IP6K2: variants seen among roughly 807,000 people sequenced by gnomAD.
IP6K2 encodes the protein inositol hexakisphosphate kinase 2.
IP6K2 carries 9 observed loss-of-function variants against 43.3 expected under a neutral mutation model. The observed-to-expected ratio is 0.21, with a 90% CI of 0.13 to 0.36. The LOEUF (loss-of-function observed/expected upper bound fraction) is 0.36, where lower values mean the gene tolerates loss of function less well. Among genes scored for constraint, IP6K2 ranks in the 10% least tolerant of loss-of-function variants. The probability of loss-of-function intolerance (pLI) is 1.00; values close to 1 mark genes in which losing one functional copy is unlikely to be tolerated. For missense variants in IP6K2, 332 were observed against 538.4 expected (o/e 0.62, Z 3.79); for synonymous variants, 209 against 202.4 (o/e 1.03, Z -0.28).
At chr3:48,692,479 C>T (rs1270227964) in intron 3 of IP6K2, among the ~76,000 whole-genome samples, 3 of 152,200 alleles carry the variant, frequency 2.0e-5, no homozygotes, top group South Asian at 2.1e-4. Context: ...CATGGGACTA[C>T]GTCAACCTAC....
chr3:48,698,273 A>G (rs11719291), intron 1 of IP6K2, among the ~76,000 whole-genome samples: 23,005 of 152,156 alleles, frequency 0.15, 2,089 homozygotes, highest in African/African-American at 0.26. Flanking sequence ...TGGTCCGCCG[A>G]CCAGTACTAA....
At chr3:48,707,642 T>C (rs1488835280) in intron 1 of IP6K2, among the ~76,000 whole-genome samples, 2 of 152,162 alleles carry the variant, frequency 1.3e-5, no homozygotes, top group Non-Finnish European at 2.9e-5. Flanking sequence ...TTTTCCATGT[T>C]GGACAGGCTG....
In IP6K2 at chr3:48,694,788, C is replaced by T. The variant is rs766904497; in HGVS notation, c.202+302G>A. 16 of 1,535,680 alleles carry T rather than the reference C, an allele frequency of 1.0e-5. No individual in the cohort carries two copies. In the South Asian group the frequency reaches 1.6e-4, roughly 15 times the overall value. On this transcript the variant is annotated intron_variant, in intron 2 of 5. Coordinates refer to ENST00000328631, the MANE Select transcript of IP6K2 (RefSeq NM_016291.4). Reference sequence around the variant, plus strand: ...CCAAAGTCTTCCCCCACCGTCCCCCCAGTGGGGGACTATGGGTTACTGTGA... The same window carrying T: ...CCAAAGTCTTCCCCCACCGTCCCCCTAGTGGGGGACTATGGGTTACTGTGA...
In IP6K2 at chr3:48,688,179, A is replaced by T; in HGVS notation, c.*94T>A. 1 of 1,419,610 alleles carries T rather than the reference A, an allele frequency of 7.0e-7. No homozygotes were observed. Among genetic ancestry groups the T allele is most frequent in the Non-Finnish European group, 9.8e-7 (1 of 1,024,618 alleles). The allele number at this position is 1,419,610 out of a possible 1,614,324, so 87.9% of individuals were successfully genotyped here. Reference sequence around the variant, plus strand: ...CTGCACATCAGCTCCAGGCTGCAGGAGCCACCACCTGGCCATACTGGCTTC... The same window carrying T: ...CTGCACATCAGCTCCAGGCTGCAGGTGCCACCACCTGGCCATACTGGCTTC... On this transcript the variant is annotated 3_prime_UTR_variant, in exon 6 of 6. Transcript: ENST00000328631. The surrounding 1 kb of genome is among the most constrained non-coding windows in gnomAD (Gnocchi z 5.1).
intron 1 of IP6K2, among the ~76,000 whole-genome samples, chr3:48,705,574 G>A (rs2079625659): frequency 6.6e-6 from 1 of 151,552 alleles, no homozygotes; most frequent in African/African-American, 2.4e-5. Flanking sequence ...GATCACTGGA[G>A]TGCAGGAGTT....
chr3:48,704,795 T>C (rs1575701423), intron 1 of IP6K2, among the ~76,000 whole-genome samples: 2 of 151,878 alleles, frequency 1.3e-5, no homozygotes, highest in South Asian at 4.2e-4. Context: ...CTTTTTTTTT[T>C]TCTCTGAGAG....
intron 1 of IP6K2, among the ~76,000 whole-genome samples, chr3:48,713,108 T>C (rs547683162): frequency 6.6e-6 from 1 of 152,288 alleles, no homozygotes; most frequent in East Asian, 1.9e-4. Context: ...CAAAAAGCCA[T>C]ATCCAATGTT....
At chr3:48,703,548 CAAA>C (rs35725171) in intron 1 of IP6K2, among the ~76,000 whole-genome samples, 2 of 69,856 alleles carry the variant, frequency 2.9e-5, no homozygotes, top group Admixed American at 1.7e-4. Context: ...ACTAAAAATA[CAAA>C]AAAAAAAAAA....
chr3:48,700,410 G>T (rs1463268211), intron 1 of IP6K2, among the ~76,000 whole-genome samples: 3 of 151,718 alleles, frequency 2.0e-5, no homozygotes, highest in Non-Finnish European at 4.4e-5. Context: ...AAAATTAATG[G>T]TTACGATAAA....
In IP6K2 at chr3:48,688,008, T is replaced by C; in HGVS notation, c.*265A>G. The C allele has an allele frequency of 4.2e-6, 2 of 481,174 alleles. No homozygotes were observed. The highest frequency in any genetic ancestry group is 3.8e-6 in the Non-Finnish European group (1 of 266,384). The allele number at this position is 481,174 out of a possible 1,614,324, so 29.8% of individuals were successfully genotyped here. ...AGAATGACAGGAGCACTATATACAATAAACAAAAAGATTTGTATTAGAACA... is the reference window on the plus strand; with the variant it reads ...AGAATGACAGGAGCACTATATACAACAAACAAAAAGATTTGTATTAGAACA... On this transcript the variant is annotated 3_prime_UTR_variant, in exon 6 of 6. Coordinates refer to ENST00000328631, the MANE Select transcript of IP6K2 (RefSeq NM_016291.4). This position sits in a 1 kb window ranked among gnomAD's most constrained non-coding sequence, Gnocchi z 5.1.
chr3:48,712,242 A>AT lies in IP6K2; in HGVS notation c.-131+4914dup, dbSNP rs1553651735. Reference sequence around the variant, plus strand: ...GAGACCCTGTCTCTACAAAAAAAAAATTTTTTTTTTTTTTTTTTGAGACAG... The same window carrying AT: ...GAGACCCTGTCTCTACAAAAAAAAAATTTTTTTTTTTTTTTTTTTGAGACAG... On this transcript the variant is annotated intron_variant, in intron 1 of 5. Coordinates refer to ENST00000328631, the MANE Select transcript of IP6K2 (RefSeq NM_016291.4). 3.8e-3 allele frequency among the ~76,000 whole-genome samples: 530 copies of AT among 139,618 alleles called. 1 individual carries two copies. Among genetic ancestry groups the AT allele is most frequent in the Middle Eastern group, 0.015 (4 of 274 alleles). 91.6% of individuals were successfully genotyped at this position (139,618 alleles called of 152,430 possible). A position where few individuals can be genotyped will look rare whatever the true frequency, so the allele number is the denominator to read the frequency against.
At chr3:48,697,210 C>T (rs941850619) in intron 1 of IP6K2, among the ~76,000 whole-genome samples, 8 of 151,660 alleles carry the variant, frequency 5.3e-5, no homozygotes, top group East Asian at 1.9e-4. Context: ...TTAGTAGAGA[C>T]GGGGTTTCAC....
At chr3:48,698,552 C>T (rs952447302) in intron 1 of IP6K2, among the ~76,000 whole-genome samples, 3 of 152,186 alleles carry the variant, frequency 2.0e-5, no homozygotes, top group African/African-American at 7.2e-5. Flanking sequence ...TCACTGCAAC[C>T]TCTGCCGCTC....
intron 1 of IP6K2, among the ~76,000 whole-genome samples, chr3:48,705,135 C>A (rs1032273749): frequency 6.6e-6 from 1 of 151,598 alleles, no homozygotes; most frequent in African/African-American, 2.4e-5. Flanking sequence ...AGTAGAGATG[C>A]GGTTTCACCG....
At chr3:48,694,075 ATG>A (rs2078033891) in intron 2 of IP6K2, 1 of 1,464,350 alleles carries the variant, frequency 6.8e-7, no homozygotes, top group Non-Finnish European at 9.0e-7. Flanking sequence ...CTGCAGGGGA[ATG>A]CGTGCTCAGA....
intron 1 of IP6K2, among the ~76,000 whole-genome samples, chr3:48,701,840 G>A (rs1165852860): frequency 1.3e-5 from 2 of 152,164 alleles, no homozygotes; most frequent in African/African-American, 4.8e-5. Flanking sequence ...GGAGGTTGCA[G>A]TGAGCTGAGA....
intron 1 of IP6K2, chr3:48,715,648 C>T: frequency 1.7e-6 from 1 of 594,206 alleles, no homozygotes; most frequent in Non-Finnish European, 3.0e-6. Flanking sequence ...AAACAAAAAG[C>T]TAGTTTCTAC....
intron 1 of IP6K2, among the ~76,000 whole-genome samples, chr3:48,705,531 T>C (rs892038840): frequency 3.3e-5 from 5 of 151,820 alleles, no homozygotes; most frequent in African/African-American, 4.8e-5. Context: ...ATTTTTTAAT[T>C]AGTCAGGCAT....
chr3:48,695,561 T>C lies in IP6K2; in HGVS notation c.-130-140A>G. 1 of 1,159,752 alleles carries C rather than the reference T, an allele frequency of 8.6e-7. No homozygotes were observed. Among genetic ancestry groups the C allele is most frequent in the Non-Finnish European group, 1.1e-6 (1 of 911,306 alleles). The allele number at this position is 1,159,752 out of a possible 1,614,324, so 71.8% of individuals were successfully genotyped here. On this transcript the variant is annotated intron_variant, in intron 1 of 5. Transcript: ENST00000328631. The surrounding 1 kb of genome is among the most constrained non-coding windows in gnomAD (Gnocchi z 4.6). ...GGGACTCCGCCCATGCCACCCACCT[T>C]GGCCCCCGCCTTCTCCGGCAGAAAA...
Sources: gnomAD v4.1 joint callset for allele counts (sites outside exome capture counted in the v4.1 genomes callset) on GRCh38, gnomAD v4.1.1 for gene constraint, Gnocchi (gnomAD v3.1) non-coding constraint, MANE v1.5 for transcripts, NCBI Gene and HGNC (gene_info 2026-07-23, HGNC 2026-07-21) for gene names.